Variants in SENP5 observed in about 807,000 individuals in gnomAD.
The protein encoded by SENP5 is sentrin-specific protease 5.
In SENP5, 21 loss-of-function variants were observed where a neutral mutation model predicts 74.2. That is an observed-to-expected ratio of 0.28 (90% CI 0.20 to 0.41). The LOEUF (loss-of-function observed/expected upper bound fraction) is 0.41. Among genes scored for constraint, SENP5 ranks in the 10% least tolerant of loss-of-function variants. The pLI is 1.00. For synonymous variants in SENP5, 311 were observed against 312.7 expected, an observed-to-expected ratio of 0.99 and a Z score of 0.06; for missense variants, 717 against 889.1, an observed-to-expected ratio of 0.81 and a Z score of 2.46.
intron 2 of SENP5, among the ~76,000 whole-genome samples, chr3:196,887,513 T>G (rs1012904062): frequency 2.1e-5 from 3 of 142,250 alleles, no homozygotes; most frequent in Admixed American, 6.9e-5. Context: ...TTGTTTCTGT[T>G]TTTTTTTTTT....
chr3:196,902,662 C>T (rs866929773), intron 5 of SENP5, among the ~76,000 whole-genome samples: 4 of 152,208 alleles, frequency 2.6e-5, no homozygotes, highest in Admixed American at 2.6e-4. Context: ...ACAGTTTTAT[C>T]ACCTCAAGTT....
At chr3:196,878,641 G>T (rs1344621492) in intron 1 of SENP5, among the ~76,000 whole-genome samples, 1 of 152,074 alleles carries the variant, frequency 6.6e-6, no homozygotes, top group Non-Finnish European at 1.5e-5. Context: ...ACCCAGGCCA[G>T]AGTACGGTGG....
intron 7 of SENP5, among the ~76,000 whole-genome samples, chr3:196,925,667 G>T (rs1002344047): frequency 4.6e-5 from 7 of 152,216 alleles, no homozygotes; most frequent in African/African-American, 1.7e-4. Flanking sequence ...GTGAATGATG[G>T]TTAAACAGGA....
chr3:196,930,793 T>A lies in SENP5; in HGVS notation c.2158-20T>A. On this transcript the variant is annotated intron_variant, in intron 9 of 9. Coordinates refer to ENST00000323460, the MANE Select transcript of SENP5 (RefSeq NM_152699.5). Reference sequence around the variant, plus strand: ...ACTCCAAGTGCCACTGAAGTGTTTCTGGGACCTTTTTTTTTGCAGTACTGC... The same window carrying A: ...ACTCCAAGTGCCACTGAAGTGTTTCAGGGACCTTTTTTTTTGCAGTACTGC... 1 of 1,405,158 alleles carries A rather than the reference T, an allele frequency of 7.1e-7. No individual in the cohort carries two copies. Among genetic ancestry groups the A allele is most frequent in the Non-Finnish European group, 9.6e-7 (1 of 1,046,348 alleles). 87.0% of individuals were successfully genotyped at this position (1,405,158 alleles called of 1,614,324 possible).
chr3:196,919,378 G>C (rs1418835399), intron 6 of SENP5, among the ~76,000 whole-genome samples: 1 of 152,220 alleles, frequency 6.6e-6, no homozygotes, highest in Non-Finnish European at 1.5e-5. Flanking sequence ...CTATTCGGGA[G>C]GCTCAGGCAG....
Position 196,930,869 on chromosome 3 carries a change from C to G in SENP5, c.2214C>G (p.Pro738=). Residue 738 remains proline (P), a synonymous_variant, in exon 10 of 10, where the codon CCC becomes CCG. Transcript: ENST00000323460. ...TCCAGTTTTCACAAGAAGACATGCCCCGAGTGCGGAAGAGGATTTACAAGG... is the reference window on the plus strand; with the variant it reads ...TCCAGTTTTCACAAGAAGACATGCCGCGAGTGCGGAAGAGGATTTACAAGG... The part of the protein sequence containing the change: ...QPFQFSQEDM[P]RVRKRIYKEL... The G allele has an allele frequency of 6.2e-7, 1 of 1,614,040 alleles. No individual in the cohort carries two copies. Among genetic ancestry groups the G allele is most frequent in the Non-Finnish European group, 8.5e-7 (1 of 1,179,964 alleles).
At chr3:196,921,427 A>G (rs1044117570) in intron 6 of SENP5, among the ~76,000 whole-genome samples, 34 of 152,140 alleles carry the variant, frequency 2.2e-4, no homozygotes, top group Non-Finnish European at 5.9e-5. Context: ...ATGTATGTCT[A>G]TGTTAGTGTG....
At chr3:196,880,861 G>A (rs540610681) in intron 1 of SENP5, among the ~76,000 whole-genome samples, 4 of 151,986 alleles carry the variant, frequency 2.6e-5, no homozygotes, top group Non-Finnish European at 4.4e-5. Context: ...GACTGGTCTC[G>A]AACTCGCGAC....
rs118114633 is a variant in SENP5 at position 196,914,843 on chromosome 3, G to T, written c.1885-8571G>T. On this transcript the variant is annotated intron_variant, in intron 6 of 9. Transcript: ENST00000323460. ...ATCTCAAGGAAAGAGGCATCGAAGA[G>T]GGTAGGAAAGACACTCTTGCATTGC... is the stretch of plus-strand genomic sequence containing the variant. 3.9e-4 allele frequency among the ~76,000 whole-genome samples: 59 copies of T among 152,020 alleles called. 2 individuals carry two copies. In the East Asian group the frequency reaches 9.3e-3, roughly 24 times the overall value.
At chr3:196,910,269 A>G (rs1715066583) in intron 6 of SENP5, among the ~76,000 whole-genome samples, 1 of 152,020 alleles carries the variant, frequency 6.6e-6, no homozygotes, top group South Asian at 2.1e-4. Flanking sequence ...ACAAATGGAA[A>G]AATATTCCAT....
chr3:196,913,647 CTTTTT>C (rs1229412806), intron 6 of SENP5, among the ~76,000 whole-genome samples: 1,139 of 98,052 alleles, frequency 0.012, 16 homozygotes, highest in African/African-American at 0.033. Context: ...ATAAGAAAGG[CTTTTT>C]TTTTTTTTTT....
At chr3:196,914,187 T>TA (rs1196450871) in intron 6 of SENP5, 3 of 152,134 alleles carry the variant, frequency 2.0e-5, no homozygotes, top group Admixed American at 6.5e-5. Context: ...TTGCAGACCT[T>TA]ATGGTCTTTG....
intron 1 of SENP5, among the ~76,000 whole-genome samples, chr3:196,876,542 A>G (rs147262510): frequency 6.6e-6 from 1 of 151,452 alleles, no homozygotes; most frequent in Non-Finnish European, 1.5e-5. Context: ...AAAGAAAAGA[A>G]AAAAGTATTT....
chr3:196,920,165 T>C (rs1027297506), intron 6 of SENP5, among the ~76,000 whole-genome samples: 2 of 152,242 alleles, frequency 1.3e-5, no homozygotes, highest in African/African-American at 4.8e-5. Context: ...AGAATGGACA[T>C]CTAATAATAG....
At chr3:196,927,740 C>CATTTT in intron 7 of SENP5, 56 bp from the exon 8 acceptor site, 1 of 1,060,194 alleles carries the variant, frequency 9.4e-7, no homozygotes, top group South Asian at 1.3e-5. Flanking sequence ...GGGCATGTTC[C>CATTTT]ATTTTTCACC....
chr3:196,892,425 G>A (rs1388749502), intron 2 of SENP5, among the ~76,000 whole-genome samples: 1 of 152,198 alleles, frequency 6.6e-6, no homozygotes, highest in African/African-American at 2.4e-5. Flanking sequence ...GGGATTACAG[G>A]CATGAGCCAC....
At chr3:196,889,770 G>A (rs1381141070) in intron 2 of SENP5, among the ~76,000 whole-genome samples, 1 of 152,178 alleles carries the variant, frequency 6.6e-6, no homozygotes, top group East Asian at 1.9e-4. Flanking sequence ...GCTCCCACTG[G>A]GCAAAAAGTA....
intron 6 of SENP5, among the ~76,000 whole-genome samples, chr3:196,916,686 C>A (rs1715392080): frequency 6.6e-6 from 1 of 151,832 alleles, no homozygotes; most frequent in African/African-American, 2.4e-5. Flanking sequence ...TGCCACTATG[C>A]CTGGCTAATT....
intron 1 of SENP5, among the ~76,000 whole-genome samples, chr3:196,869,015 A>C (rs1713079841): frequency 6.6e-6 from 1 of 151,292 alleles, no homozygotes. Context: ...AAGAAACCAG[A>C]CTCTCTCCTA....
Sources: gnomAD v4.1 joint callset for allele counts (sites outside exome capture counted in the v4.1 genomes callset) on GRCh38, gnomAD v4.1.1 for gene constraint, MANE v1.5 for transcripts, NCBI Gene and HGNC (gene_info 2026-07-23, HGNC 2026-07-21) for gene names.